Variants in TTLL5 observed in about 807,000 individuals in gnomAD.
TTLL5 encodes tubulin tyrosine ligase like 5.
TTLL5 carries 132 observed loss-of-function variants against 168.4 expected under a neutral mutation model. The observed-to-expected ratio is 0.78, with a 90% CI of 0.68 to 0.91. The LOEUF (loss-of-function observed/expected upper bound fraction) is 0.91. TTLL5 is among the 40% of genes least tolerant of loss of function. TTLL5 has a pLI of 0.00. For missense variants in TTLL5, 1,545 were observed against 1,581.5 expected (o/e 0.98, Z 0.39); for synonymous variants, 546 against 558.6 (o/e 0.98, Z 0.32).
rs1888808518 is a variant in TTLL5, at chr14:75,735,246, C to G, written c.1238C>G (p.Pro413Arg). ...AQRASTRPIY[P>R]TFESSRRNPF... ...CGGGCATCAACTCGGCCAATTTATC[C>G]CACCTTTGAGTCTTCCAGGCGAAAC... The change falls in exon 15 of 32, where the codon CCC (proline) becomes CGC (arginine). Residue 413 changes from proline (P) to arginine (R), a missense_variant. By Grantham distance (103) the Pro-to-Arg change is moderately radical (BLOSUM62 -2). Transcript: ENST00000298832. 1 of 1,614,084 alleles carries G rather than the reference C, an allele frequency of 6.2e-7. No homozygotes were observed.
chr14:75,679,112 G>A (rs1382569910), intron 3 of TTLL5, among the ~76,000 whole-genome samples: 1 of 152,144 alleles, frequency 6.6e-6, no homozygotes, highest in African/African-American at 2.4e-5. Context: ...CAGAATCTGT[G>A]AATATGTTAT....
In TTLL5 at chr14:75,926,156, C is replaced by CTTTTTT. The variant is rs34048806; in HGVS notation, c.3823+23955_3823+23960dup. On this transcript the variant is annotated intron_variant, in intron 31 of 31. Coordinates refer to ENST00000298832, the MANE Select transcript of TTLL5 (RefSeq NM_015072.5). Reference sequence around the variant, plus strand: ...TTAAAGACTAGGATTGCAACCCCAGCTTTTTTTTTTTTTTTTTTTTTTTTT... The same window carrying CTTTTTT: ...TTAAAGACTAGGATTGCAACCCCAGCTTTTTTTTTTTTTTTTTTTTTTTTTTTTTTT... 8.7e-4 allele frequency among the ~76,000 whole-genome samples: 26 copies of CTTTTTT among 29,958 alleles called. 3 individuals are homozygous for CTTTTTT. Among genetic ancestry groups the CTTTTTT allele is most frequent in the African/African-American group, 2.3e-3 (12 of 5,188 alleles). 19.7% of individuals were successfully genotyped at this position (29,958 alleles called of 152,430 possible).
chr14:75,725,922 A>G (rs1462216059), intron 12 of TTLL5, among the ~76,000 whole-genome samples: 1 of 152,190 alleles, frequency 6.6e-6, no homozygotes, highest in Non-Finnish European at 1.5e-5. Context: ...GCTTTTTTCC[A>G]AAATTCTCCT....
intron 30 of TTLL5, among the ~76,000 whole-genome samples, chr14:75,890,978 C>G (rs556070763): frequency 6.6e-6 from 1 of 152,336 alleles, no homozygotes; most frequent in Admixed American, 6.5e-5. Flanking sequence ...CTCAGCCTCC[C>G]AAAGTGCTGG....
At chr14:75,952,970 C>T (rs186325859) in intron 31 of TTLL5, among the ~76,000 whole-genome samples, 1 of 152,178 alleles carries the variant, frequency 6.6e-6, no homozygotes, top group East Asian at 1.9e-4. Flanking sequence ...ATATAATATA[C>T]TAAAAGCTAT....
At position 75,808,230 on chromosome 14, in the gene TTLL5, G is replaced by C. The variant is rs147589039; in HGVS notation, c.3172-11777G>C. Among the ~76,000 whole-genome samples, 25 of 152,248 alleles carry C rather than the reference G, an allele frequency of 1.6e-4. No individual in the cohort carries two copies. The East Asian group carries it at 4.6e-3, about 28-fold the overall frequency. ...GAACACTAAATGTCTATATATATAC[G>C]TATATTATGAAAATGATGGAGCTCA... On this transcript the variant is annotated intron_variant, in intron 27 of 31. Coordinates refer to ENST00000298832, the MANE Select transcript of TTLL5 (RefSeq NM_015072.5).
intron 13 of TTLL5, 24 bp from the exon 14 acceptor site, chr14:75,733,965 T>C: frequency 6.2e-7 from 1 of 1,612,162 alleles, no homozygotes; most frequent in South Asian, 1.1e-5. Context: ...TATCAATTGC[T>C]CTTTTCTTTC....
chr14:75,952,421 A>G (rs928671151), intron 31 of TTLL5, among the ~76,000 whole-genome samples: 1 of 152,258 alleles, frequency 6.6e-6, no homozygotes, highest in African/African-American at 2.4e-5. Context: ...GAGGGATGTA[A>G]AATGGCGTGA....
At chr14:75,812,436 G>A (rs202074783) in intron 27 of TTLL5, among the ~76,000 whole-genome samples, 9 of 151,904 alleles carry the variant, frequency 5.9e-5, no homozygotes, top group African/African-American at 1.5e-4. Flanking sequence ...TTGTTTTTTC[G>A]TTGTTACCAC....
chr14:75,948,999 A>G (rs1431694950), intron 31 of TTLL5, among the ~76,000 whole-genome samples: 1 of 152,210 alleles, frequency 6.6e-6, no homozygotes, highest in African/African-American at 2.4e-5. Context: ...AGTCCTACCA[A>G]ACATTCAAGG....
At chr14:75,868,908 G>A (rs2030763051) in intron 29 of TTLL5, among the ~76,000 whole-genome samples, 1 of 152,030 alleles carries the variant, frequency 6.6e-6, no homozygotes, top group African/African-American at 2.4e-5. Context: ...CCTCAGCGTG[G>A]CACAAAGAGC....
At chr14:75,873,292 T>C (rs1014924286) in intron 29 of TTLL5, among the ~76,000 whole-genome samples, 46 of 152,148 alleles carry the variant, frequency 3.0e-4, no homozygotes, top group African/African-American at 1.0e-3. Context: ...GCCAGGATGG[T>C]CTCGATCTTC....
intron 28 of TTLL5, among the ~76,000 whole-genome samples, chr14:75,861,139 T>A (rs972421074): frequency 8.6e-5 from 13 of 150,868 alleles, no homozygotes; most frequent in Non-Finnish European, 1.6e-4. Context: ...CTTTTTGGTG[T>A]GTTCTCCAAG....
chr14:75,808,295 G>T (rs938485121), intron 27 of TTLL5, among the ~76,000 whole-genome samples: 2 of 152,152 alleles, frequency 1.3e-5, no homozygotes, highest in Non-Finnish European at 2.9e-5. Context: ...TAGTGCTGAG[G>T]TATTGGAACT....
At chr14:75,891,482 A>G (rs997309519) in intron 30 of TTLL5, among the ~76,000 whole-genome samples, 6 of 152,220 alleles carry the variant, frequency 3.9e-5, no homozygotes, top group African/African-American at 1.4e-4. Context: ...GCAGTGTCCA[A>G]TGGTGATAAC....
At chr14:75,667,734 A>T (rs1317598697) in intron 2 of TTLL5, among the ~76,000 whole-genome samples, 3 of 138,352 alleles carry the variant, frequency 2.2e-5, no homozygotes, top group Non-Finnish European at 3.1e-5. Flanking sequence ...GTGCATTCAG[A>T]GTGTGGATCT....
chr14:75,776,808 G>A lies in TTLL5; in HGVS notation c.2345G>A (p.Gly782Glu). ...KKKVEEEEED[G>E]VNMENFQEFI... ...AAAGTTGAGGAAGAAGAGGAAGATG[G>A]GGTGAATATGGAAAACTTTCAGGAG... The change falls in exon 23 of 32, where the codon GGG (glycine) becomes GAG (glutamate). Residue 782 changes from glycine (G) to glutamate (E), a missense_variant. Coordinates refer to ENST00000298832, the MANE Select transcript of TTLL5 (RefSeq NM_015072.5). The A allele has an allele frequency of 6.2e-7, 1 of 1,613,894 alleles. No individual in the cohort carries two copies. Among genetic ancestry groups the A allele is most frequent in the Non-Finnish European group, 8.5e-7 (1 of 1,179,888 alleles).
chr14:75,752,046 G>C (rs1889989053), intron 17 of TTLL5, among the ~76,000 whole-genome samples: 1 of 152,170 alleles, frequency 6.6e-6, no homozygotes, highest in African/African-American at 2.4e-5. Flanking sequence ...TCGTGGTGCT[G>C]GTGGGAGTGT....
At chr14:75,935,098 G>A (rs1356389534) in intron 31 of TTLL5, among the ~76,000 whole-genome samples, 3 of 152,218 alleles carry the variant, frequency 2.0e-5, no homozygotes, top group African/African-American at 7.2e-5. Flanking sequence ...GTGATAGTGA[G>A]CTGACATCTG....
Sources: allele counts gnomAD v4.1 joint callset (sites outside exome capture counted in the v4.1 genomes callset), GRCh38; gene constraint gnomAD v4.1.1; transcripts MANE v1.5; gene names NCBI Gene and HGNC (gene_info 2026-07-23, HGNC 2026-07-21).